Variants in HEATR5B observed in about 807,000 individuals in gnomAD.
The protein encoded by HEATR5B is HEAT repeat containing 5B.
A neutral mutation model predicts 224.1 loss-of-function variants in HEATR5B; 156 were observed. The observed-to-expected ratio is 0.70, with a 90% CI of 0.61 to 0.80. HEATR5B has a LOEUF of 0.80. Ranked by LOEUF, HEATR5B falls within the 30% of genes least tolerant of loss-of-function variation. The pLI is 0.00. For synonymous variants in HEATR5B, 1,027 were observed against 893.0 expected (o/e 1.15, Z -2.68); for missense variants, 2,323 against 2,535.5 (o/e 0.92, Z 1.80).
chr2:37,058,658 A>G (rs1671063175), intron 13 of HEATR5B, 98 bp from the exon 14 acceptor site: 2 of 799,672 alleles, frequency 2.5e-6, no homozygotes, highest in South Asian at 1.6e-5. Flanking sequence ...AACTACACTG[A>G]TAAGTATACA....
intron 12 of HEATR5B, among the ~76,000 whole-genome samples, chr2:37,060,223 G>C (rs1005553565): frequency 6.6e-6 from 1 of 152,126 alleles, no homozygotes; most frequent in Non-Finnish European, 1.5e-5. Context: ...AATAACTTTG[G>C]TAATCCTGAG....
At chr2:37,045,999 TTCTTTTAATGTTTA>T (rs1177615745) in intron 18 of HEATR5B, among the ~76,000 whole-genome samples, 3 of 152,212 alleles carry the variant, frequency 2.0e-5, no homozygotes, top group Non-Finnish European at 4.4e-5. Context: ...GTCCTGTACA[TTCTTTTAATGTTTA>T]TCTGAAAGAA....
intron 16 of HEATR5B, among the ~76,000 whole-genome samples, chr2:37,053,815 GA>G (rs1183073856): frequency 6.6e-6 from 1 of 151,860 alleles, no homozygotes; most frequent in Middle Eastern, 3.2e-3. Flanking sequence ...AACAAGAAAA[GA>G]GTTTCAATTA....
At chr2:37,042,981 T>A (rs1401102866) in intron 18 of HEATR5B, among the ~76,000 whole-genome samples, 1 of 151,214 alleles carries the variant, frequency 6.6e-6, no homozygotes, top group East Asian at 1.9e-4. Context: ...GAGAAAATAA[T>A]GCATCTTATC....
In HEATR5B at chr2:37,003,543, T is replaced by G. The variant is rs1667224895; in HGVS notation, c.5049A>C (p.Leu1683=). ...QDYLQEKRNT[L]NEDDMEKEAC... is the part of the protein sequence containing the mutation. Reference sequence around the variant, plus strand: ...GTTAGTGTAATTTCTAGTGCTTACTTAGAGTGTTTCTTTTCTCTTGCAAAT... The same window carrying G: ...GTTAGTGTAATTTCTAGTGCTTACTGAGAGTGTTTCTTTTCTCTTGCAAAT... Residue 1683 remains leucine, a splice_region_variant and synonymous_variant, in exon 31 of 36, where the codon CTA becomes CTC. Transcript: ENST00000233099. 6.3e-7 allele frequency: 1 copy of G among 1,597,964 alleles called. No individual in the cohort carries two copies. Among genetic ancestry groups the G allele is most frequent in the Admixed American group, 1.7e-5 (1 of 57,756 alleles).
At chr2:37,035,090 T>C (rs371262297) in intron 21 of HEATR5B, among the ~76,000 whole-genome samples, 12 of 152,292 alleles carry the variant, frequency 7.9e-5, no homozygotes, top group African/African-American at 2.9e-4. Flanking sequence ...GAGAACATCA[T>C]AACATTTTAA....
Position 37,014,551 on chromosome 2 carries a change from G to A in HEATR5B, c.4105-531C>T, listed in dbSNP as rs148050420. 2.8e-4 allele frequency among the ~76,000 whole-genome samples: 43 copies of A among 152,054 alleles called. 1 individual carries two copies. The East Asian group carries it at 7.3e-3, about 26-fold the overall frequency. On this transcript the variant is annotated intron_variant, in intron 26 of 35. Transcript: ENST00000233099. ...AGTATTTACTTAACATGTTTCCACCGTGTACTTTAACAAAAATGTTAACAG... is the reference window on the plus strand; with the variant it reads ...AGTATTTACTTAACATGTTTCCACCATGTACTTTAACAAAAATGTTAACAG...
chr2:36,990,706 G>A lies in HEATR5B; in HGVS notation c.5639C>T (p.Ser1880Leu). ...SASNEIIGVQ[S>L]LQNGCMNRFK... ...TCTGTTCATGCAGCCATTCTGTAAT[G>A]ACTGGACTCCTATTATTTCATTACT... The change falls in exon 34 of 36, where the codon TCA (serine) becomes TTA (leucine). Residue 1880 changes from serine to leucine, a missense_variant. Coordinates refer to ENST00000233099, the MANE Select transcript of HEATR5B (RefSeq NM_019024.3). The A allele has an allele frequency of 6.2e-7, 1 of 1,611,644 alleles. No homozygotes were observed. Among genetic ancestry groups the A allele is most frequent in the Non-Finnish European group, 8.5e-7 (1 of 1,178,896 alleles).
chr2:37,054,059 A>G (rs1030495136), intron 16 of HEATR5B, among the ~76,000 whole-genome samples: 4 of 151,946 alleles, frequency 2.6e-5, no homozygotes, highest in African/African-American at 9.7e-5. Flanking sequence ...CTTTTGGGAA[A>G]GTTCAAAAAA....
intron 22 of HEATR5B, among the ~76,000 whole-genome samples, chr2:37,031,186 T>A (rs1669106027): frequency 6.6e-6 from 1 of 152,152 alleles, no homozygotes; most frequent in African/African-American, 2.4e-5. Flanking sequence ...TCTAACTTCA[T>A]CCTACACACC....
chr2:36,988,909 G>T, intron 34 of HEATR5B, 50 bp from the exon 35 acceptor site: 1 of 1,360,900 alleles, frequency 7.3e-7, no homozygotes, highest in Non-Finnish European at 1.0e-6. Context: ...GTTCTTATTT[G>T]CTCTACAATC....
intron 3 of HEATR5B, among the ~76,000 whole-genome samples, chr2:37,078,189 T>C (rs1204321755): frequency 6.6e-6 from 1 of 152,194 alleles, no homozygotes; most frequent in African/African-American, 2.4e-5. Flanking sequence ...AAATAAAAGC[T>C]ATGTGATCTG....
chr2:37,052,729 C>T (rs1670637734), intron 17 of HEATR5B, among the ~76,000 whole-genome samples: 1 of 152,126 alleles, frequency 6.6e-6, no homozygotes, highest in African/African-American at 2.4e-5. Flanking sequence ...CTGCAGCAGC[C>T]CATCTGATAA....
At chr2:37,068,958 G>T in intron 7 of HEATR5B, 28 bp from the exon 8 acceptor site, 1 of 1,600,790 alleles carries the variant, frequency 6.2e-7, no homozygotes, top group Non-Finnish European at 8.5e-7. Flanking sequence ...TACGACTTCA[G>T]ATACACTTAC....
chr2:37,022,953 C>T (rs1216378945), intron 24 of HEATR5B, among the ~76,000 whole-genome samples: 2 of 151,712 alleles, frequency 1.3e-5, no homozygotes, highest in African/African-American at 2.4e-5. Flanking sequence ...AAATATGTCT[C>T]ACAACAAAGA....
chr2:37,072,639 G>T (rs1255041289), intron 5 of HEATR5B, among the ~76,000 whole-genome samples: 1 of 151,598 alleles, frequency 6.6e-6, no homozygotes, highest in Non-Finnish European at 1.5e-5. Flanking sequence ...AGCAGAAAAA[G>T]GAAATAATAA....
At chr2:37,078,613 C>T (rs1672372829) in intron 3 of HEATR5B, among the ~76,000 whole-genome samples, 1 of 152,140 alleles carries the variant, frequency 6.6e-6, no homozygotes, top group South Asian at 2.1e-4. Flanking sequence ...AATCTAATCA[C>T]AATATATCTA....
chr2:37,051,288 G>A (rs1204523420), intron 17 of HEATR5B, among the ~76,000 whole-genome samples: 2 of 142,942 alleles, frequency 1.4e-5, no homozygotes, highest in Admixed American at 7.0e-5. Context: ...CCTGGGAGGT[G>A]GAAGTTGCAG....
In HEATR5B at chr2:37,037,884, T is replaced by C; in HGVS notation, c.3187A>G (p.Asn1063Asp). The C allele has an allele frequency of 6.3e-7, 1 of 1,591,468 alleles. No homozygotes were observed. The highest frequency in any genetic ancestry group is 8.6e-7 in the Non-Finnish European group (1 of 1,166,800). ...QLHMFAPRHVNLSSLVPSLCV... is the reference protein window; with the variant it reads ...QLHMFAPRHVDLSSLVPSLCV... ...AGGCTAGGAACAAGGCTAGATAGAT[T>C]GACATGTCGTGGTGCAAACATGTGA... Residue 1063 changes from asparagine (N) to aspartate (D), a missense_variant, in exon 21 of 36, where the codon AAT becomes GAT. This residue lies in a region of HEATR5B where 88 missense variants were observed against 86.8 expected (regional missense o/e 1.01). Coordinates refer to ENST00000233099, the MANE Select transcript of HEATR5B (RefSeq NM_019024.3).
Sources: gnomAD v4.1 joint callset for allele counts (sites outside exome capture counted in the v4.1 genomes callset) on GRCh38, gnomAD v4.1.1 for gene constraint, gnomAD v4.1.1 regional missense constraint, MANE v1.5 for transcripts, NCBI Gene and HGNC (gene_info 2026-07-23, HGNC 2026-07-21) for gene names.